The following PDSS2 variants were observed in gnomAD, a reference collection of about 807,000 sequenced individuals.
The protein encoded by PDSS2 is all trans-polyprenyl-diphosphate synthase PDSS2.
Under a neutral mutation model 44.5 loss-of-function variants are expected in PDSS2, and 31 were observed. The observed-to-expected ratio is 0.70, with a 90% CI of 0.52 to 0.94. PDSS2 has a LOEUF of 0.94. Ranked by LOEUF, PDSS2 falls within the 40% of genes least tolerant of loss-of-function variation. The pLI is 0.00. For missense variants in PDSS2, 452 were observed against 482.2 expected (o/e 0.94, Z 0.59); for synonymous variants, 157 against 180.3 (o/e 0.87, Z 1.03).
chr6:107,457,009 T>C (rs1782066334), intron 1 of PDSS2, among the ~76,000 whole-genome samples: 1 of 152,214 alleles, frequency 6.6e-6, no homozygotes, highest in Admixed American at 6.5e-5. Flanking sequence ...TATGTGTATG[T>C]GTTTTGAGTG....
intron 3 of PDSS2, among the ~76,000 whole-genome samples, chr6:107,257,577 C>T (rs1039152404): frequency 6.6e-6 from 1 of 151,882 alleles, no homozygotes; most frequent in Non-Finnish European, 1.5e-5. Flanking sequence ...AATGGACATA[C>T]TTGGGTTAGA....
At chr6:107,407,782 C>T (rs1350994098) in intron 1 of PDSS2, among the ~76,000 whole-genome samples, 5 of 151,954 alleles carry the variant, frequency 3.3e-5, no homozygotes, top group Non-Finnish European at 5.9e-5. Flanking sequence ...TCACTGCAAT[C>T]TCTGCCTCCT....
At chr6:107,220,913 T>C (rs1773581141) in intron 4 of PDSS2, among the ~76,000 whole-genome samples, 1 of 152,112 alleles carries the variant, frequency 6.6e-6, no homozygotes, top group Admixed American at 6.6e-5. Context: ...TGCTCTATTA[T>C]AAAGGAAAAG....
At chr6:107,424,550 A>G (rs373003148) in intron 1 of PDSS2, among the ~76,000 whole-genome samples, 1 of 152,112 alleles carries the variant, frequency 6.6e-6, no homozygotes, top group South Asian at 2.1e-4. Context: ...CTTAGCTATT[A>G]TTTCTCCTAC....
intron 5 of PDSS2, among the ~76,000 whole-genome samples, chr6:107,210,841 TA>T (rs1045763162): frequency 1.6e-5 from 2 of 127,318 alleles, no homozygotes; most frequent in African/African-American, 6.9e-5. Context: ...CCATCTCTAC[TA>T]AAAAAACAAA....
intron 1 of PDSS2, among the ~76,000 whole-genome samples, chr6:107,446,622 G>C (rs1781691920): frequency 6.6e-6 from 1 of 152,160 alleles, no homozygotes; most frequent in Non-Finnish European, 1.5e-5. Flanking sequence ...TTGACTCACA[G>C]TTCTACATGG....
chr6:107,330,654 A>G (rs1777685198), intron 2 of PDSS2, among the ~76,000 whole-genome samples: 1 of 152,206 alleles, frequency 6.6e-6, no homozygotes, highest in South Asian at 2.1e-4. Context: ...AAACTATGCT[A>G]TTACTAATAG....
intron 4 of PDSS2, among the ~76,000 whole-genome samples, chr6:107,216,383 G>A (rs1248810183): frequency 6.6e-6 from 1 of 151,884 alleles, no homozygotes; most frequent in African/African-American, 2.4e-5. Context: ...TGAGGCAGGA[G>A]GATCACTCGA....
At chr6:107,176,408 C>T (rs891826481) in intron 7 of PDSS2, among the ~76,000 whole-genome samples, 3 of 126,268 alleles carry the variant, frequency 2.4e-5, no homozygotes, top group African/African-American at 1.0e-4. Flanking sequence ...ATTCTATTCC[C>T]CCTTAACACA....
rs750971930 is a variant in PDSS2 at position 107,458,973 on chromosome 6, G to A, written c.296+17C>T. 34 of 1,612,996 alleles carry A rather than the reference G, an allele frequency of 2.1e-5. No individual in the cohort carries two copies. Among genetic ancestry groups the A allele is most frequent in the Non-Finnish European group, 2.8e-5 (33 of 1,179,178 alleles). On this transcript the variant is annotated intron_variant, in intron 1 of 7. Transcript: ENST00000369037. ...TCCAATGAGTGCGAGTGTGTCAGCG[G>A]GAGAGGGGTAGCTCACCTGGCTGTG... is the stretch of plus-strand genomic sequence containing the variant.
chr6:107,257,185 T>C (rs1490953518), intron 3 of PDSS2, among the ~76,000 whole-genome samples: 1 of 143,178 alleles, frequency 7.0e-6, no homozygotes, highest in African/African-American at 2.6e-5. Context: ...GTCTCACAAA[T>C]AAAATAAAAT....
chr6:107,278,491 A>G (rs1474451839), intron 2 of PDSS2, among the ~76,000 whole-genome samples: 6 of 152,250 alleles, frequency 3.9e-5, no homozygotes, highest in Non-Finnish European at 8.8e-5. Flanking sequence ...CCGCATTATC[A>G]CATTTCACAA....
chr6:107,313,817 A>G (rs1424153991), intron 2 of PDSS2, among the ~76,000 whole-genome samples: 2 of 152,184 alleles, frequency 1.3e-5, no homozygotes, highest in Non-Finnish European at 2.9e-5. Context: ...TTCGTATGAA[A>G]TAACATAATA....
rs965764514 is a variant in PDSS2 at position 107,409,388 on chromosome 6, A to AT, written c.296+49601dup. Among the ~76,000 whole-genome samples the AT allele has an allele frequency of 3.6e-3, 539 of 150,122 alleles. 6 individuals are homozygous for AT. Among genetic ancestry groups the AT allele is most frequent in the African/African-American group, 2.0e-3 (84 of 41,004 alleles). On this transcript the variant is annotated intron_variant, in intron 1 of 7. Transcript: ENST00000369037. ...CTGTTTGAAACTGCCTACCTACTTGATTTTTTTTTTAATTAGGGAAATATT... is the reference window on the plus strand; with the variant it reads ...CTGTTTGAAACTGCCTACCTACTTGATTTTTTTTTTTAATTAGGGAAATATT...
intron 1 of PDSS2, among the ~76,000 whole-genome samples, chr6:107,439,463 C>G (rs1583087432): frequency 6.6e-6 from 1 of 152,188 alleles, no homozygotes; most frequent in African/African-American, 2.4e-5. Context: ...CAACCATATT[C>G]CTGCTACATG....
intron 1 of PDSS2, among the ~76,000 whole-genome samples, chr6:107,425,417 C>G (rs966094326): frequency 2.0e-5 from 3 of 152,112 alleles, no homozygotes; most frequent in Non-Finnish European, 4.4e-5. Flanking sequence ...ACAATAAGAT[C>G]CAGGCTGAGG....
intron 7 of PDSS2, among the ~76,000 whole-genome samples, chr6:107,186,961 T>C (rs554377146): frequency 6.6e-6 from 1 of 152,308 alleles, no homozygotes; most frequent in African/African-American, 2.4e-5. Flanking sequence ...ATTTTACAAA[T>C]AACTCCTACC....
At chr6:107,180,244 A>G (rs1175432107) in intron 7 of PDSS2, among the ~76,000 whole-genome samples, 5 of 152,116 alleles carry the variant, frequency 3.3e-5, no homozygotes, top group African/African-American at 1.2e-4. Context: ...GACACCACAA[A>G]CTGGGAGCAA....
intron 1 of PDSS2, among the ~76,000 whole-genome samples, chr6:107,441,451 A>C (rs1781508156): frequency 6.6e-6 from 1 of 152,142 alleles, no homozygotes; most frequent in African/African-American, 2.4e-5. Flanking sequence ...TGTTTCCTCT[A>C]CCTCATTATT....
Sources: gnomAD v4.1 joint callset for allele counts (sites outside exome capture counted in the v4.1 genomes callset) on GRCh38, gnomAD v4.1.1 for gene constraint, MANE v1.5 for transcripts, NCBI Gene and HGNC (gene_info 2026-07-23, HGNC 2026-07-21) for gene names.